Variants in KCNN2 observed in about 807,000 individuals in gnomAD.
The protein encoded by KCNN2 is potassium calcium-activated channel subfamily N member 2.
In KCNN2, 24 loss-of-function variants were observed where a neutral mutation model predicts 55.5. That is an observed-to-expected ratio of 0.43 (90% CI 0.31 to 0.61). The LOEUF (loss-of-function observed/expected upper bound fraction) is 0.61, where lower values mean the gene tolerates loss of function less well. Among genes scored for constraint, KCNN2 ranks in the 20% least tolerant of loss-of-function variants. The pLI is 0.08. For missense variants in KCNN2, 754 were observed against 853.6 expected (o/e 0.88, Z 1.45); for synonymous variants, 431 against 336.1 (o/e 1.28, Z -3.09).
intron 2 of KCNN2, among the ~76,000 whole-genome samples, chr5:114,380,146 G>A (rs1758072289): frequency 6.6e-6 from 1 of 152,016 alleles, no homozygotes; most frequent in Non-Finnish European, 1.5e-5. Flanking sequence ...ACACAATACA[G>A]TAAAAGTGTC....
At position 114,140,630 on chromosome 5, in the gene KCNN2, G is replaced by T. The variant is rs142009927; in HGVS notation, c.-270-80850G>T. Reference sequence around the variant, plus strand: ...AAATCAAATTCTGTAAATTGATATTGATTTATGAGCATTTTAGAATTAGGA... The same window carrying T: ...AAATCAAATTCTGTAAATTGATATTTATTTATGAGCATTTTAGAATTAGGA... On this transcript the variant is annotated intron_variant, in intron 1 of 10. Coordinates refer to the KCNN2 transcript ENST00000512097. 2.0e-5 allele frequency among the ~76,000 whole-genome samples: 3 copies of T among 151,780 alleles called. No individual in the cohort carries two copies. In the East Asian group the frequency reaches 5.8e-4, roughly 29 times the overall value.
chr5:114,344,586 C>T lies in KCNN2; in HGVS notation c.-184-16359C>T, dbSNP rs372477261. Among the ~76,000 whole-genome samples the T allele has an allele frequency of 1.3e-3, 198 of 152,278 alleles. 1 individual carries two copies. In the South Asian group the frequency reaches 0.02, roughly 15 times the overall value. On this transcript the variant is annotated intron_variant, in intron 2 of 10. Coordinates refer to the KCNN2 transcript ENST00000512097. The stretch of plus-strand genomic sequence containing the variant: ...TGACTGAACTCAGTCTCTGCTGCCC[C>T]CTTCCCAGGAGTCAGCTGATATGTG...
chr5:114,397,451 G>A (rs909794608), intron 2 of KCNN2, among the ~76,000 whole-genome samples: 2 of 152,072 alleles, frequency 1.3e-5, no homozygotes, highest in Non-Finnish European at 2.9e-5. Flanking sequence ...CAATGGTGCT[G>A]TCTTGGCTCA....
At chr5:114,212,604 ACTT>A (rs1353457799) in intron 1 of KCNN2, among the ~76,000 whole-genome samples, 2 of 150,932 alleles carry the variant, frequency 1.3e-5, no homozygotes, top group African/African-American at 4.8e-5. Flanking sequence ...CTCTGCCTAA[ACTT>A]CAAGTCTAAA....
chr5:114,437,363 T>C (rs1760045361), intron 3 of KCNN2, among the ~76,000 whole-genome samples: 1 of 151,918 alleles, frequency 6.6e-6, no homozygotes, highest in African/African-American at 2.4e-5. Context: ...AGGACGTGAA[T>C]GAATGCAAGT....
chr5:114,159,661 A>G (rs1360712380), intron 1 of KCNN2, among the ~76,000 whole-genome samples: 1 of 152,112 alleles, frequency 6.6e-6, no homozygotes, highest in Non-Finnish European at 1.5e-5. Context: ...TAAGCTTTTA[A>G]TTATTGCCTT....
At chr5:114,161,072 G>T (rs528413771) in intron 1 of KCNN2, among the ~76,000 whole-genome samples, 4 of 152,098 alleles carry the variant, frequency 2.6e-5, no homozygotes, top group African/African-American at 9.7e-5. Flanking sequence ...TATTTTGCTC[G>T]TTAGTTGATG....
At chr5:114,217,343 C>G (rs1225366132) in intron 1 of KCNN2, among the ~76,000 whole-genome samples, 4 of 152,066 alleles carry the variant, frequency 2.6e-5, no homozygotes, top group Admixed American at 2.6e-4. Context: ...CACCTAACTT[C>G]AAGACTTTAA....
chr5:114,232,925 G>GTTTTTTTTGTTTTTTT (rs554932578), intron 2 of KCNN2, among the ~76,000 whole-genome samples: 4 of 76,282 alleles, frequency 5.2e-5, no homozygotes, highest in African/African-American at 1.4e-4. Flanking sequence ...ATTGTTTCTT[G>GTTTTTTTTGTTTTTTT]TTTTTTTTTT....
At chr5:114,364,196 A>T (rs746150764) in intron 2 of KCNN2, among the ~76,000 whole-genome samples, 195 bp downstream of exon 2, 1 of 152,212 alleles carries the variant, frequency 6.6e-6, no homozygotes, top group Non-Finnish European at 1.5e-5. Flanking sequence ...GGTAGCATAT[A>T]AACATGCAGC....
At chr5:114,162,854 C>T (rs190172016) in intron 1 of KCNN2, among the ~76,000 whole-genome samples, 165 of 152,234 alleles carry the variant, frequency 1.1e-3, no homozygotes, top group Admixed American at 4.0e-3. Flanking sequence ...GTTGGAAAAG[C>T]GCAGTATTAG....
chr5:114,458,134 A>G lies in KCNN2; in HGVS notation c.1638-4915A>G, dbSNP rs376510535. On this transcript the variant is annotated intron_variant, in intron 3 of 7. Transcript: ENST00000673685. ...TCACTTTAATGGTATTTCAGGAGAG[A>G]GGTGGATTCCAGAAAGAGAACTGAT... is the stretch of plus-strand genomic sequence containing the variant. Among the ~76,000 whole-genome samples, 53 of 152,268 alleles carry G rather than the reference A, an allele frequency of 3.5e-4. No homozygotes were observed. In the South Asian group the frequency reaches 0.011, roughly 32 times the overall value.
At chr5:114,395,877 C>T (rs73782226) in intron 2 of KCNN2, among the ~76,000 whole-genome samples, 2,785 of 152,190 alleles carry the variant, frequency 0.018, 63 homozygotes, top group African/African-American at 0.06. Flanking sequence ...TGGACTTGGC[C>T]TTGAGTACTG....
chr5:114,463,597 A>ATATT (rs962478730), intron 4 of KCNN2, among the ~76,000 whole-genome samples: 3 of 152,186 alleles, frequency 2.0e-5, no homozygotes, highest in Non-Finnish European at 2.9e-5. Context: ...ATTAATTATA[A>ATATT]TATTTATTTT....
chr5:114,370,820 C>G (rs576558539), intron 2 of KCNN2, among the ~76,000 whole-genome samples: 7 of 152,140 alleles, frequency 4.6e-5, no homozygotes, highest in Non-Finnish European at 1.0e-4. Context: ...TGGATTCCGC[C>G]CCCCACCCCT....
At chr5:114,491,564 TAAAG>T (rs199739951) in intron 6 of KCNN2, among the ~76,000 whole-genome samples, 1,689 of 146,662 alleles carry the variant, frequency 0.012, 18 homozygotes, top group Middle Eastern at 0.033. Context: ...TGTTAGGAGA[TAAAG>T]ACAGAGTAGG....
chr5:114,397,412 G>T (rs12519857), intron 2 of KCNN2, among the ~76,000 whole-genome samples: 33,831 of 151,990 alleles, frequency 0.22, 4,267 homozygotes, highest in Non-Finnish European at 0.28. Flanking sequence ...TTGAGACGGA[G>T]TTTTGCTCTT....
chr5:114,474,719 A>G (rs1031510510), intron 5 of KCNN2, among the ~76,000 whole-genome samples: 4 of 152,166 alleles, frequency 2.6e-5, no homozygotes, highest in Non-Finnish European at 5.9e-5. Flanking sequence ...AAGAGTCACA[A>G]GTTTTATAAT....
At chr5:114,286,637 G>A (rs1458383655) in intron 2 of KCNN2, among the ~76,000 whole-genome samples, 2 of 151,758 alleles carry the variant, frequency 1.3e-5, no homozygotes, top group African/African-American at 2.4e-5. Flanking sequence ...GGGAGAAGAG[G>A]GGAGTTGTTT....
Sources: gnomAD v4.1 joint callset for allele counts (sites outside exome capture counted in the v4.1 genomes callset) on GRCh38, gnomAD v4.1.1 for gene constraint, MANE v1.5 for transcripts, NCBI Gene and HGNC (gene_info 2026-07-23, HGNC 2026-07-21) for gene names.